RTF1: variants seen among roughly 807,000 people sequenced by gnomAD.
The protein encoded by RTF1 is RTF1 homolog, Paf1/RNA polymerase II complex component.
Under a neutral mutation model 95.7 loss-of-function variants are expected in RTF1, and 10 were observed. The observed-to-expected ratio is 0.10, with a 90% CI of 0.06 to 0.18. The LOEUF (loss-of-function observed/expected upper bound fraction) is 0.18. Ranked by LOEUF, RTF1 falls within the 10% of genes least tolerant of loss-of-function variation. The pLI, the probability that RTF1 is intolerant of heterozygous loss-of-function variation, is 1.00. For synonymous variants in RTF1, 305 were observed against 311.8 expected (o/e 0.98, Z 0.23); for missense variants, 458 against 875.6 (o/e 0.52, Z 6.02).
chr15:41,471,610 A>G (rs1255335787), intron 8 of RTF1, among the ~76,000 whole-genome samples: 4 of 152,194 alleles, frequency 2.6e-5, no homozygotes, highest in African/African-American at 4.8e-5. Flanking sequence ...TAAAAGGGAG[A>G]AGGGAGGCAT....
Position 41,470,473 on chromosome 15 carries a change from C to T in RTF1, c.1025+81C>T, listed in dbSNP as rs535214677. The T allele has an allele frequency of 4.9e-6, 7 of 1,429,448 alleles. No individual in the cohort carries two copies. In the East Asian group the frequency reaches 1.6e-4, roughly 33 times the overall value. 88.5% of individuals were successfully genotyped at this position (1,429,448 alleles called of 1,614,324 possible). A position where few individuals can be genotyped will look rare whatever the true frequency, so the allele number is the denominator to read the frequency against. On this transcript the variant is annotated intron_variant, in intron 7 of 17. Transcript: ENST00000389629. ...AGCTTGGTATCGTTTCCAAAATCTC[C>T]CTGGTTGGGCCACTAACTCTGACAT...
intron 4 of RTF1, among the ~76,000 whole-genome samples, chr15:41,463,286 C>G (rs1001944586): frequency 6.6e-6 from 1 of 152,044 alleles, no homozygotes; most frequent in African/African-American, 2.4e-5. Context: ...CTGCTGTGAA[C>G]GTTTATATAC....
chr15:41,426,252 T>C (rs536506517), intron 1 of RTF1, among the ~76,000 whole-genome samples: 1 of 151,864 alleles, frequency 6.6e-6, no homozygotes, highest in South Asian at 2.1e-4. Flanking sequence ...GCCTCCTGAG[T>C]AGCTGGGATT....
At chr15:41,455,920 C>T (rs556391023) in intron 3 of RTF1, among the ~76,000 whole-genome samples, 1 of 151,286 alleles carries the variant, frequency 6.6e-6, no homozygotes, top group South Asian at 2.1e-4. Context: ...AAGAACTTAT[C>T]CATGTAATCA....
chr15:41,477,668 T>C (rs1262636188), intron 14 of RTF1, 153 bp downstream of exon 14: 5 of 672,032 alleles, frequency 7.4e-6, no homozygotes, highest in Non-Finnish European at 1.3e-5. Flanking sequence ...TACATCGATA[T>C]AATTTATTCA....
At chr15:41,420,002 G>C (rs1005095659) in intron 1 of RTF1, among the ~76,000 whole-genome samples, 2 of 151,988 alleles carry the variant, frequency 1.3e-5, no homozygotes, top group South Asian at 4.1e-4. Context: ...TGTATTTTTA[G>C]TGGAGACAGG....
chr15:41,457,965 C>T, intron 4 of RTF1, 89 bp downstream of exon 4: 1 of 999,328 alleles, frequency 1.0e-6, no homozygotes, highest in Non-Finnish European at 1.5e-6. Flanking sequence ...CACACCTGAC[C>T]TACACATGGA....
intron 1 of RTF1, among the ~76,000 whole-genome samples, chr15:41,436,555 C>T (rs1389011489): frequency 4.8e-5 from 7 of 144,452 alleles, no homozygotes; most frequent in East Asian, 2.1e-4. Flanking sequence ...ACCCGGGAGG[C>T]GGAGCTTGCA....
intron 1 of RTF1, among the ~76,000 whole-genome samples, chr15:41,424,978 C>T (rs2050621251): frequency 6.6e-6 from 1 of 151,910 alleles, no homozygotes; most frequent in Non-Finnish European, 1.5e-5. Context: ...CTGTATTAGC[C>T]TGGGTGACAG....
chr15:41,439,616 G>A (rs2050722532), intron 2 of RTF1, among the ~76,000 whole-genome samples: 1 of 152,106 alleles, frequency 6.6e-6, no homozygotes, highest in South Asian at 2.1e-4. Context: ...AAAGATATTT[G>A]AAACACTTCT....
At chr15:41,446,623 G>T (rs988145964) in intron 2 of RTF1, among the ~76,000 whole-genome samples, 2 of 151,994 alleles carry the variant, frequency 1.3e-5, no homozygotes, top group African/African-American at 2.4e-5. Flanking sequence ...GGTTTCTAGT[G>T]TGCGCTAAAA....
intron 1 of RTF1, among the ~76,000 whole-genome samples, chr15:41,421,456 T>TA (rs754975327): frequency 1.7e-3 from 230 of 135,308 alleles, no homozygotes; most frequent in African/African-American, 4.4e-3. Flanking sequence ...AACTCTGTAT[T>TA]AAAAAAAAAA....
At chr15:41,425,268 AT>A (rs932624988) in intron 1 of RTF1, among the ~76,000 whole-genome samples, 34 of 149,000 alleles carry the variant, frequency 2.3e-4, no homozygotes, top group African/African-American at 6.6e-4. Context: ...TGTCCGGCTA[AT>A]TTTTTTTTTG....
intron 4 of RTF1, among the ~76,000 whole-genome samples, chr15:41,463,888 T>C (rs1478803335): frequency 6.6e-6 from 1 of 152,198 alleles, no homozygotes; most frequent in Non-Finnish European, 1.5e-5. Flanking sequence ...AGTCTCACTC[T>C]GTCGCCAGGC....
At chr15:41,473,194 C>T (rs767277880) in intron 8 of RTF1, among the ~76,000 whole-genome samples, 5 of 151,924 alleles carry the variant, frequency 3.3e-5, no homozygotes, top group South Asian at 4.2e-4. Context: ...AGTGCAGTGG[C>T]GCGATCTTGG....
chr15:41,480,167 C>T, intron 16 of RTF1, 47 bp from the exon 17 acceptor site: 1 of 1,229,538 alleles, frequency 8.1e-7, no homozygotes, highest in Non-Finnish European at 1.2e-6. Context: ...GCTTGAAATC[C>T]ACTTGCATTT....
intron 2 of RTF1, among the ~76,000 whole-genome samples, chr15:41,442,749 A>G (rs1322355875): frequency 6.6e-6 from 1 of 152,018 alleles, no homozygotes; most frequent in Non-Finnish European, 1.5e-5. Flanking sequence ...AGCCAGGCGT[A>G]GTAGTGGGCA....
At chr15:41,466,359 G>T (rs1187100198) in intron 6 of RTF1, 107 bp downstream of exon 6, 2 of 674,382 alleles carry the variant, frequency 3.0e-6, no homozygotes, top group East Asian at 6.1e-5. Flanking sequence ...TAAAATTCCA[G>T]CACATACCCA....
Position 41,417,113 on chromosome 15 carries a change from C to G in RTF1, c.-3C>G. Reference sequence around the variant, plus strand: ...GGGGCCAGGGGGGCGGAGCGGAGCGCGCATGCGCGGTCGCCTTTGTGTGGG... The same window carrying G: ...GGGGCCAGGGGGGCGGAGCGGAGCGGGCATGCGCGGTCGCCTTTGTGTGGG... On this transcript the variant is annotated 5_prime_UTR_variant, in exon 1 of 18. Coordinates refer to ENST00000389629, the MANE Select transcript of RTF1 (RefSeq NM_015138.5). 8.1e-7 allele frequency: 1 copy of G among 1,239,532 alleles called. No individual in the cohort carries two copies. The highest frequency in any genetic ancestry group is 1.0e-6 in the Non-Finnish European group (1 of 988,006). The allele number at this position is 1,239,532 out of a possible 1,614,324, so 76.8% of individuals were successfully genotyped here. A position where few individuals can be genotyped will look rare whatever the true frequency, so the allele number is the denominator to read the frequency against.
Sources: gnomAD v4.1 joint callset for allele counts (sites outside exome capture counted in the v4.1 genomes callset) on GRCh38, gnomAD v4.1.1 for gene constraint, MANE v1.5 for transcripts, NCBI Gene and HGNC (gene_info 2026-07-23, HGNC 2026-07-21) for gene names.